CDH19: variants seen among roughly 807,000 people sequenced by gnomAD.
CDH19 encodes cadherin 19, also known as cadherin-19.
CDH19 carries 67 observed loss-of-function variants against 64.2 expected under a neutral mutation model. The observed-to-expected ratio is 1.04, with a 90% CI of 0.86 to 1.28. The LOEUF (loss-of-function observed/expected upper bound fraction) is 1.28. CDH19 is among the 50% of genes most tolerant of loss of function. The pLI, the probability that CDH19 is intolerant of heterozygous loss-of-function variation, is 0.00. For synonymous variants in CDH19, 346 were observed against 319.3 expected (o/e 1.08, Z -0.89); for missense variants, 1,030 against 929.0 (o/e 1.11, Z -1.41).
At chr18:66,547,407 A>C (rs573574406) in intron 5 of CDH19, among the ~76,000 whole-genome samples, 2 of 152,190 alleles carry the variant, frequency 1.3e-5, no homozygotes, top group South Asian at 4.1e-4. Flanking sequence ...GCCAGGAGCT[A>C]TCAGAATTGT....
intron 7 of CDH19, among the ~76,000 whole-genome samples, chr18:66,537,467 T>C (rs1053381470): frequency 1.3e-5 from 2 of 152,026 alleles, no homozygotes; most frequent in African/African-American, 4.8e-5. Flanking sequence ...TGAATGGTGA[T>C]ATTAACATTG....
chr18:66,524,717 A>G (rs1986154179), intron 9 of CDH19, among the ~76,000 whole-genome samples: 2 of 152,070 alleles, frequency 1.3e-5, no homozygotes, highest in East Asian at 3.9e-4. Context: ...TGCTGAGTCT[A>G]TCACCCTATG....
intron 8 of CDH19, among the ~76,000 whole-genome samples, chr18:66,530,659 A>G (rs2144418961): frequency 6.6e-6 from 1 of 152,008 alleles, no homozygotes; most frequent in South Asian, 2.1e-4. Flanking sequence ...GATATAAAAA[A>G]GACATTTCAG....
chr18:66,568,656 C>T lies in CDH19; in HGVS notation c.250G>A (p.Ala84Thr), dbSNP rs879250332. Residue 84 changes from alanine (A) to threonine (T), a missense_variant, in exon 3 of 12, where the codon GCT (alanine) becomes ACT (threonine). Transcript: ENST00000262150. ...ATGATAAAAGTACTTCCAGCTCCAG[C>T]TCCCAAAAGCTTGTACTGGAAAGAA... is the stretch of plus-strand genomic sequence containing the variant. ...NNSFQYKLLGAGAGSTFIIDE... is the reference protein window; with the variant it reads ...NNSFQYKLLGTGAGSTFIIDE... 4 of 1,610,990 alleles carry T rather than the reference C, an allele frequency of 2.5e-6. No homozygotes were observed. The Admixed American group carries it at 6.7e-5, about 27-fold the overall frequency.
At chr18:66,526,145 A>C (rs139822946) in intron 9 of CDH19, among the ~76,000 whole-genome samples, 156 of 152,246 alleles carry the variant, frequency 1.0e-3, no homozygotes, top group African/African-American at 3.7e-3. Context: ...TATGGGGTAA[A>C]AATCACTATC....
In CDH19 at chr18:66,568,615, A is replaced by C; in HGVS notation, c.291T>G (p.Gly97=). 1 of 1,611,882 alleles carries C rather than the reference A, an allele frequency of 6.2e-7. No individual in the cohort carries two copies. The highest frequency in any genetic ancestry group is 8.5e-7 in the Non-Finnish European group (1 of 1,178,632). The stretch of plus-strand genomic sequence containing the variant: ...CAAGCTTCTGTATGGCATATATGTC[A>C]CCTGTTCTTTCATCAATGATAAAAG... ...GSTFIIDERT[G]DIYAIQKLDR... Residue 97 remains glycine, a synonymous_variant, in exon 3 of 12, where the codon GGT becomes GGG. Transcript: ENST00000262150.
chr18:66,597,505 G>A (rs1988932227), intron 1 of CDH19, among the ~76,000 whole-genome samples: 1 of 152,026 alleles, frequency 6.6e-6, no homozygotes, highest in Non-Finnish European at 1.5e-5. Flanking sequence ...CACCCTAGGA[G>A]AAAACCTAGG....
chr18:66,591,619 G>T (rs571057839), intron 1 of CDH19, among the ~76,000 whole-genome samples: 1 of 151,826 alleles, frequency 6.6e-6, no homozygotes, highest in African/African-American at 2.4e-5. Flanking sequence ...TTAGCAGAAG[G>T]TTAAAATTCT....
intron 1 of CDH19, among the ~76,000 whole-genome samples, chr18:66,580,184 G>A (rs530956500): frequency 3.3e-5 from 5 of 152,052 alleles, no homozygotes; most frequent in Non-Finnish European, 5.9e-5. Flanking sequence ...TGTATAGAAA[G>A]CAGAACTATA....
intron 7 of CDH19, among the ~76,000 whole-genome samples, chr18:66,541,153 T>C (rs567421462): frequency 4.3e-4 from 65 of 152,248 alleles, no homozygotes; most frequent in African/African-American, 1.6e-3. Context: ...CACCAGTTTA[T>C]TTACCCCACC....
At position 66,504,536 on chromosome 18, in the gene CDH19, C is replaced by A; in HGVS notation, c.*276G>T. ...ATAAGGATCGACTACATCTTGTGTC[C>A]TCTCATCTACTTTTAATATCTTCCT... On this transcript the variant is annotated 3_prime_UTR_variant, in exon 12 of 12. Transcript: ENST00000262150. 3.2e-6 allele frequency: 1 copy of A among 311,232 alleles called. No individual in the cohort carries two copies. Among genetic ancestry groups the A allele is most frequent in the Non-Finnish European group, 5.9e-6 (1 of 169,026 alleles). 19.3% of individuals were successfully genotyped at this position (311,232 alleles called of 1,614,324 possible). A position where few individuals can be genotyped will look rare whatever the true frequency, so the allele number is the denominator to read the frequency against.
rs554769987 is a variant in CDH19 at position 66,603,993 on chromosome 18, A to T, written c.-152T>A. 1 of 152,270 alleles carries T rather than the reference A, an allele frequency of 6.6e-6. No homozygotes were observed. Among genetic ancestry groups the T allele is most frequent in the Admixed American group, 6.5e-5 (1 of 15,286 alleles). 9.4% of individuals were successfully genotyped at this position (152,270 alleles called of 1,614,324 possible). A position where few individuals can be genotyped will look rare whatever the true frequency, so the allele number is the denominator to read the frequency against. ...CTTCTAGAAGTTCTGTGAAAACTGA[A>T]CAGCAAACTTCGTGTTGGACACATA... On this transcript the variant is annotated 5_prime_UTR_variant, in exon 1 of 12. Transcript: ENST00000262150.
intron 1 of CDH19, among the ~76,000 whole-genome samples, chr18:66,583,891 T>C (rs1988496734): frequency 6.6e-6 from 1 of 151,898 alleles, no homozygotes; most frequent in African/African-American, 2.4e-5. Context: ...CCCAAAACTA[T>C]AAAAACCCTG....
intron 9 of CDH19, among the ~76,000 whole-genome samples, chr18:66,518,901 T>C (rs905508616): frequency 6.6e-6 from 1 of 152,162 alleles, no homozygotes; most frequent in African/African-American, 2.4e-5. Flanking sequence ...GAAATGATTA[T>C]AGATTCACAA....
intron 2 of CDH19, among the ~76,000 whole-genome samples, chr18:66,570,058 T>A (rs1447527369): frequency 6.6e-6 from 1 of 151,630 alleles, no homozygotes; most frequent in Non-Finnish European, 1.5e-5. Context: ...TTCTTAATTA[T>A]TCCTAAAAGA....
chr18:66,529,759 A>C (rs1354882106), intron 9 of CDH19, 86 bp downstream of exon 9: 47 of 544,514 alleles, frequency 8.6e-5, no homozygotes, highest in Non-Finnish European at 1.2e-4. Flanking sequence ...CTATTATATA[A>C]CAATATTGTA....
In CDH19 at chr18:66,524,010, G is replaced by A. The variant is rs528475904; in HGVS notation, c.1458+5835C>T. 3.3e-5 allele frequency among the ~76,000 whole-genome samples: 5 copies of A among 152,200 alleles called. No individual in the cohort carries two copies. The East Asian group carries it at 9.7e-4, about 29-fold the overall frequency. On this transcript the variant is annotated intron_variant, in intron 9 of 11. Transcript: ENST00000262150. ...GCGCCACGAAGCATTAAATTGATCA[G>A]TGGCAGAGCCCAGAACATATTGCTG...
At chr18:66,531,292 G>A (rs1986435856) in intron 8 of CDH19, among the ~76,000 whole-genome samples, 1 of 152,074 alleles carries the variant, frequency 6.6e-6, no homozygotes, top group Non-Finnish European at 1.5e-5. Flanking sequence ...AATTACAACT[G>A]AACTATGATA....
chr18:66,543,922 A>G, intron 7 of CDH19, 49 bp downstream of exon 7: 1 of 1,328,236 alleles, frequency 7.5e-7, no homozygotes, highest in Non-Finnish European at 1.0e-6. Flanking sequence ...TTTTTAATCT[A>G]TTTTATATTT....
Sources: allele counts gnomAD v4.1 joint callset (sites outside exome capture counted in the v4.1 genomes callset), GRCh38; gene constraint gnomAD v4.1.1; transcripts MANE v1.5; gene names NCBI Gene and HGNC (gene_info 2026-07-23, HGNC 2026-07-21).